Variants in H2BC26 observed in about 807,000 individuals in gnomAD.
H2BC26 encodes the protein H2B clustered histone 26.
chr1:228,458,216 G>A, the H2BC26 span: 7 of 1,614,172 alleles, frequency 4.3e-6, no homozygotes, highest in Non-Finnish European at 5.9e-6. Context: ...ACGGCAAGAA[G>A]CGCAAGCGCG....
the H2BC26 span, chr1:228,458,160 C>A: frequency 6.2e-7 from 1 of 1,611,670 alleles, no homozygotes; most frequent in Non-Finnish European, 8.5e-7. Flanking sequence ...GGCTCCTGCG[C>A]CCAAGAAGGG....
the H2BC26 span, chr1:228,458,167 A>T: frequency 1.2e-5 from 20 of 1,612,842 alleles, no homozygotes; most frequent in Non-Finnish European, 1.6e-5. Context: ...GCGCCCAAGA[A>T]GGGTTCTAAA....
At chr1:228,458,106 TC>T in the H2BC26 span, 1 of 1,553,502 alleles carries the variant, frequency 6.4e-7, no homozygotes, top group Non-Finnish European at 8.7e-7. Context: ...GCCGCGCGTT[TC>T]TGTTTGGAGA....
chr1:228,458,535 A>C, the H2BC26 span: 2 of 1,614,060 alleles, frequency 1.2e-6, no homozygotes, highest in South Asian at 2.2e-5. Flanking sequence ...TCCTGAACCC[A>C]AAGGCTCTTT....
the H2BC26 span, chr1:228,458,514 G>A: frequency 6.2e-7 from 1 of 1,614,168 alleles, no homozygotes; most frequent in Non-Finnish European, 8.5e-7. Context: ...CAAGTGAGGC[G>A]TTCCTCGGCG....
the H2BC26 span, chr1:228,458,112 T>A: frequency 6.4e-7 from 1 of 1,563,740 alleles, no homozygotes; most frequent in Non-Finnish European, 8.6e-7. Flanking sequence ...CGTTTCTGTT[T>A]GGAGAGACTC....
At chr1:228,458,208 G>T in the H2BC26 span, 1 of 1,614,096 alleles carries the variant, frequency 6.2e-7, no homozygotes, top group Non-Finnish European at 8.5e-7. Context: ...GAAGAAGGAC[G>T]GCAAGAAGCG....
the H2BC26 span, chr1:228,458,440 C>T: frequency 6.2e-7 from 1 of 1,614,062 alleles, no homozygotes; most frequent in African/African-American, 1.3e-5. Context: ...CTGCTGCTGC[C>T]CGGCGAGCTG....
chr1:228,458,130 A>T, the H2BC26 span: 2 of 1,586,844 alleles, frequency 1.3e-6, no homozygotes, highest in Admixed American at 1.8e-5. Context: ...CTCAGCCATC[A>T]TGCCAGACCC....
the H2BC26 span, chr1:228,458,231 C>G: frequency 6.2e-7 from 1 of 1,614,188 alleles, no homozygotes; most frequent in Non-Finnish European, 8.5e-7. Flanking sequence ...AGCGCGGCCG[C>G]AAGGAGAGCT....
the H2BC26 span, chr1:228,458,551 G>C: frequency 6.2e-7 from 1 of 1,613,496 alleles, no homozygotes. Flanking sequence ...TCTTTTCAGA[G>C]CCACCCACAC....
At chr1:228,458,347 G>A in the H2BC26 span, 3 of 1,614,126 alleles carry the variant, frequency 1.9e-6, no homozygotes, top group South Asian at 3.3e-5. Context: ...ATCTTCGAGC[G>A]CATCGCCAGC....
chr1:228,458,266 T>C, the H2BC26 span: 2 of 1,614,082 alleles, frequency 1.2e-6, no homozygotes, highest in African/African-American at 1.3e-5. Flanking sequence ...TACAAGGTGC[T>C]GAAGCAGGTG....
chr1:228,458,212 A>G, the H2BC26 span: 2 of 1,614,188 alleles, frequency 1.2e-6, no homozygotes, highest in Non-Finnish European at 1.7e-6. Flanking sequence ...AAGGACGGCA[A>G]GAAGCGCAAG....
chr1:228,458,307 A>G, the H2BC26 span: 9 of 1,614,112 alleles, frequency 5.6e-6, no homozygotes, highest in South Asian at 2.2e-5. Flanking sequence ...GTCCAAGGCC[A>G]TGGGCATCAT....
the H2BC26 span, chr1:228,458,423 C>T: frequency 2.4e-5 from 39 of 1,614,038 alleles, 1 homozygote; most frequent in South Asian, 9.9e-5. Flanking sequence ...TGCAGACGGC[C>T]GTTCGCCTGC....
chr1:228,458,157 G>C, the H2BC26 span: 5 of 1,610,632 alleles, frequency 3.1e-6, no homozygotes, highest in Admixed American at 1.7e-5. Flanking sequence ...ATCGGCTCCT[G>C]CGCCCAAGAA....
At chr1:228,458,116 G>C in the H2BC26 span, 1 of 1,566,820 alleles carries the variant, frequency 6.4e-7, no homozygotes, top group Non-Finnish European at 8.6e-7. Flanking sequence ...TCTGTTTGGA[G>C]AGACTCAGCC....
At chr1:228,458,518 C>T in the H2BC26 span, 48 of 1,614,050 alleles carry the variant, frequency 3.0e-5, no homozygotes, top group Non-Finnish European at 3.9e-5. Context: ...TGAGGCGTTC[C>T]TCGGCGTCCT....
Sources: allele counts gnomAD v4.1 joint callset, GRCh38; gene constraint gnomAD v4.1.1; transcripts MANE v1.5; gene names NCBI Gene and HGNC (gene_info 2026-07-23, HGNC 2026-07-21).